Variants in IFT25 observed in about 807,000 individuals in gnomAD.
IFT25 encodes the protein intraflagellar transport protein 25 homolog.
At chr1:53,928,449 G>A in the IFT25 span, 1 of 1,594,830 alleles carries the variant, frequency 6.3e-7, no homozygotes. Context: ...TACTAACATT[G>A]TAAACAAAGT....
chr1:53,942,784 C>T, the IFT25 span, among the ~76,000 whole-genome samples: 1 of 152,316 alleles, frequency 6.6e-6, no homozygotes, highest in African/African-American at 2.4e-5. Flanking sequence ...ACCTAAGTGA[C>T]TAAGACTTGG....
the IFT25 span, among the ~76,000 whole-genome samples, chr1:53,922,769 G>A: frequency 5.9e-5 from 9 of 152,028 alleles, no homozygotes; most frequent in South Asian, 2.1e-4. Context: ...TTGTACTTAC[G>A]AAGCCTGTGA....
the IFT25 span, among the ~76,000 whole-genome samples, chr1:53,924,786 G>A: frequency 3.9e-5 from 6 of 152,120 alleles, no homozygotes; most frequent in Admixed American, 3.3e-4. Flanking sequence ...GCAGTGAGCC[G>A]AGATCGCGCC....
chr1:53,920,997 ACC>A, the IFT25 span, among the ~76,000 whole-genome samples: 1 of 152,010 alleles, frequency 6.6e-6, no homozygotes, highest in African/African-American at 2.4e-5. Context: ...ACACGGTGAA[ACC>A]CCTTCTCTAC....
the IFT25 span, among the ~76,000 whole-genome samples, chr1:53,919,504 T>C: frequency 6.6e-6 from 1 of 151,982 alleles, no homozygotes; most frequent in African/African-American, 2.4e-5. Flanking sequence ...ATCTAGACCA[T>C]AGGAGTTGCC....
At chr1:53,942,525 G>A in the IFT25 span, among the ~76,000 whole-genome samples, 2 of 152,052 alleles carry the variant, frequency 1.3e-5, no homozygotes, top group African/African-American at 4.8e-5. Context: ...AAGACCATAA[G>A]GCCCATAAAA....
the IFT25 span, chr1:53,917,059 G>A: frequency 7.0e-3 from 1,453 of 206,458 alleles, 22 homozygotes; most frequent in African/African-American, 0.031. Context: ...CAGGAGAATC[G>A]CTTGAACCCG....
At chr1:53,914,307 C>T in the IFT25 span, among the ~76,000 whole-genome samples, 2 of 152,110 alleles carry the variant, frequency 1.3e-5, no homozygotes, top group Non-Finnish European at 1.5e-5. Context: ...AGTGAGTGGG[C>T]GTCCCATTTT....
the IFT25 span, among the ~76,000 whole-genome samples, chr1:53,912,240 T>A: frequency 6.6e-6 from 1 of 152,204 alleles, no homozygotes; most frequent in African/African-American, 2.4e-5. Context: ...ATCTCCCCAT[T>A]TTCACTAAAT....
At chr1:53,920,090 T>C in the IFT25 span, among the ~76,000 whole-genome samples, 1 of 152,194 alleles carries the variant, frequency 6.6e-6, no homozygotes, top group Non-Finnish European at 1.5e-5. Flanking sequence ...TGGGCCACCA[T>C]GCCTGGACTA....
the IFT25 span, among the ~76,000 whole-genome samples, chr1:53,942,313 G>A: frequency 2.8e-4 from 43 of 152,162 alleles, no homozygotes; most frequent in African/African-American, 9.9e-4. Context: ...CCTGCCATCT[G>A]TTTTTGTATG....
At chr1:53,942,084 T>C in the IFT25 span, among the ~76,000 whole-genome samples, 1 of 152,232 alleles carries the variant, frequency 6.6e-6, no homozygotes, top group African/African-American at 2.4e-5. Flanking sequence ...AGTATGCTTA[T>C]CAATTTTGCA....
the IFT25 span, among the ~76,000 whole-genome samples, chr1:53,935,745 T>A: frequency 6.6e-6 from 1 of 152,022 alleles, no homozygotes; most frequent in African/African-American, 2.4e-5. Context: ...AGTGCTGGGA[T>A]TATAGGTGTG....
At chr1:53,922,814 A>G in the IFT25 span, among the ~76,000 whole-genome samples, 1 of 152,234 alleles carries the variant, frequency 6.6e-6, no homozygotes, top group Admixed American at 6.5e-5. Flanking sequence ...ATGACACAAA[A>G]TTGTTCACAC....
At chr1:53,930,405 A>G in the IFT25 span, among the ~76,000 whole-genome samples, 3 of 152,168 alleles carry the variant, frequency 2.0e-5, no homozygotes, top group East Asian at 1.9e-4. Context: ...CTATAATTCT[A>G]AACTCCTTCG....
chr1:53,912,265 CT>C, the IFT25 span, among the ~76,000 whole-genome samples: 1 of 152,200 alleles, frequency 6.6e-6, no homozygotes, highest in Admixed American at 6.5e-5. Flanking sequence ...GTAGCTGGAA[CT>C]GAGGAGCTTT....
the IFT25 span, among the ~76,000 whole-genome samples, chr1:53,918,809 T>C: frequency 4.6e-5 from 7 of 152,218 alleles, no homozygotes; most frequent in African/African-American, 1.4e-4. Flanking sequence ...TAGTAGATTG[T>C]AGCATTAATG....
the IFT25 span, among the ~76,000 whole-genome samples, chr1:53,935,048 G>A: frequency 6.6e-6 from 1 of 152,216 alleles, no homozygotes; most frequent in African/African-American, 2.4e-5. Context: ...GGGGGTTGTG[G>A]CTTACGCCTG....
the IFT25 span, among the ~76,000 whole-genome samples, chr1:53,934,912 T>C: frequency 6.6e-6 from 1 of 152,182 alleles, no homozygotes; most frequent in Admixed American, 6.5e-5. Flanking sequence ...GACATGAGAA[T>C]CACTTGAACT....
Sources: allele counts gnomAD v4.1 joint callset (sites outside exome capture counted in the v4.1 genomes callset), GRCh38; gene constraint gnomAD v4.1.1; transcripts MANE v1.5; gene names NCBI Gene and HGNC (gene_info 2026-07-23, HGNC 2026-07-21).